Variants in FOXN3 observed in about 807,000 individuals in gnomAD.
The protein encoded by FOXN3 is forkhead box protein N3.
In FOXN3, 7 loss-of-function variants were observed where a neutral mutation model predicts 38.4. The ratio of observed to expected loss-of-function variants is 0.18; its 90% CI spans 0.10 to 0.34. The LOEUF (loss-of-function observed/expected upper bound fraction) is 0.34. FOXN3 is among the 10% of genes least tolerant of loss of function. FOXN3 has a pLI of 1.00. For missense variants in FOXN3, 456 were observed against 613.4 expected (o/e 0.74, Z 2.71); for synonymous variants, 230 against 242.2 (o/e 0.95, Z 0.47).
In FOXN3 at chr14:89,526,899, G is replaced by A. The variant is rs578236562; in HGVS notation, c.-15+92129C>T. On this transcript the variant is annotated intron_variant, in intron 1 of 6. Coordinates refer to the FOXN3 transcript ENST00000345097. ...CTATTGGCAACAAGACAGACAAATGGACCAATGGAACAGAATAGAGTCCAG... is the reference window on the plus strand; with the variant it reads ...CTATTGGCAACAAGACAGACAAATGAACCAATGGAACAGAATAGAGTCCAG... 2.3e-3 allele frequency among the ~76,000 whole-genome samples: 352 copies of A among 152,264 alleles called. 1 individual carries two copies. The highest frequency in any genetic ancestry group is 8.1e-3 in the African/African-American group (335 of 41,560).
At position 89,162,391 on chromosome 14, in the gene FOXN3, C is replaced by G. The variant is rs141894477; in HGVS notation, c.*23G>C. 2.6e-6 allele frequency: 4 copies of G among 1,518,828 alleles called. No homozygotes were observed. Among genetic ancestry groups the G allele is most frequent in the Non-Finnish European group, 3.5e-6 (4 of 1,132,720 alleles). The allele number at this position is 1,518,828 out of a possible 1,614,324, so 94.1% of individuals were successfully genotyped here. On this transcript the variant is annotated 3_prime_UTR_variant, in exon 6 of 6. Transcript: ENST00000557258. The surrounding 1 kb of genome is among the most constrained non-coding windows in gnomAD (Gnocchi z 7.2). ...TGCTGAAACCAAATGGTCGTAAGTT[C>G]AAAACAAATCAGTGACTTGTTTTTA...
intron 1 of FOXN3, among the ~76,000 whole-genome samples, chr14:89,577,632 A>C (rs530803486): frequency 6.6e-6 from 1 of 152,236 alleles, no homozygotes; most frequent in East Asian, 1.9e-4. Context: ...GTTAACCACC[A>C]GCTTCAAACA....
intron 3 of FOXN3, among the ~76,000 whole-genome samples, chr14:89,299,567 C>A (rs1302164873): frequency 6.6e-6 from 1 of 152,174 alleles, no homozygotes; most frequent in Non-Finnish European, 1.5e-5. Flanking sequence ...TCACTGATCC[C>A]CAAATACGGA....
chr14:89,258,057 C>A (rs1331248165), intron 4 of FOXN3, among the ~76,000 whole-genome samples: 2 of 152,110 alleles, frequency 1.3e-5, no homozygotes, highest in Non-Finnish European at 2.9e-5. Context: ...GACCAACCAT[C>A]CTTGAGTGTA....
chr14:89,466,505 C>T (rs756064901), intron 1 of FOXN3, among the ~76,000 whole-genome samples: 2 of 152,192 alleles, frequency 1.3e-5, no homozygotes, highest in Non-Finnish European at 2.9e-5. Context: ...ATGTTGGAAA[C>T]GTGCTTGGAG....
At chr14:89,334,262 G>C (rs551880043) in intron 3 of FOXN3, among the ~76,000 whole-genome samples, 26 of 151,418 alleles carry the variant, frequency 1.7e-4, no homozygotes, top group Non-Finnish European at 2.5e-4. Flanking sequence ...GGAGTGAGGC[G>C]GGCTGGGGGA....
chr14:89,360,732 A>T lies in FOXN3; in HGVS notation c.544-9924T>A, dbSNP rs781719394. Among the ~76,000 whole-genome samples, 472 of 126,328 alleles carry T rather than the reference A, an allele frequency of 3.7e-3. 9 individuals carry two copies. The highest frequency in any genetic ancestry group is 0.013 in the African/African-American group (396 of 29,396). The allele number at this position is 126,328 out of a possible 152,430, so 82.9% of individuals were successfully genotyped here. On this transcript the variant is annotated intron_variant, in intron 2 of 5. Transcript: ENST00000557258. ...CTCCAGCACTACCTCCACCACCACC[A>T]CCTCCAGCACCACCTCCACCACCAC...
At chr14:89,476,338 A>T (rs1455980129) in intron 1 of FOXN3, among the ~76,000 whole-genome samples, 2 of 152,126 alleles carry the variant, frequency 1.3e-5, no homozygotes, top group Admixed American at 1.3e-4. Flanking sequence ...AAGAGATCCC[A>T]ACTTCAAAAC....
chr14:89,477,032 C>G (rs932150832), intron 1 of FOXN3, among the ~76,000 whole-genome samples: 3 of 152,050 alleles, frequency 2.0e-5, no homozygotes, highest in African/African-American at 7.2e-5. Flanking sequence ...TAGGGACAGG[C>G]GTATGTACAT....
At chr14:89,377,774 T>C (rs1890527812) in intron 2 of FOXN3, among the ~76,000 whole-genome samples, 1 of 152,248 alleles carries the variant, frequency 6.6e-6, no homozygotes, top group African/African-American at 2.4e-5. Context: ...CCAATTCACG[T>C]GTTGAAGCCC....
At chr14:89,203,501 G>T (rs981263348) in intron 4 of FOXN3, among the ~76,000 whole-genome samples, 10 of 152,230 alleles carry the variant, frequency 6.6e-5, no homozygotes, top group Admixed American at 4.6e-4. Flanking sequence ...GCCAGGCTAG[G>T]TGTGCCTGGA....
chr14:89,411,093 G>T (rs557076411), intron 2 of FOXN3, among the ~76,000 whole-genome samples: 1 of 152,244 alleles, frequency 6.6e-6, no homozygotes, highest in Admixed American at 6.5e-5. Flanking sequence ...CAGATCAGCG[G>T]TGGCATTAGA....
At chr14:89,348,015 T>C (rs920630158) in intron 3 of FOXN3, among the ~76,000 whole-genome samples, 35 of 152,240 alleles carry the variant, frequency 2.3e-4, no homozygotes, top group African/African-American at 8.2e-4. Flanking sequence ...TAGCATGGTA[T>C]TTGGATGTGA....
chr14:89,443,799 C>T (rs7142159), intron 1 of FOXN3, among the ~76,000 whole-genome samples: 56,719 of 151,694 alleles, frequency 0.37, 10,881 homozygotes, highest in East Asian at 0.55. Flanking sequence ...CACCTGAGGT[C>T]GGGAGTTCAA....
chr14:89,318,927 C>A (rs189052284), intron 3 of FOXN3, among the ~76,000 whole-genome samples: 1 of 152,160 alleles, frequency 6.6e-6, no homozygotes, highest in Non-Finnish European at 1.5e-5. Context: ...GAATGGAGAA[C>A]GGAGGCAGAA....
intron 1 of FOXN3, among the ~76,000 whole-genome samples, chr14:89,603,179 A>G (rs1278666612): frequency 6.6e-6 from 1 of 152,184 alleles, no homozygotes; most frequent in African/African-American, 2.4e-5. Flanking sequence ...GCCACTCATG[A>G]GCCTCCACAT....
intron 1 of FOXN3, among the ~76,000 whole-genome samples, chr14:89,480,416 A>C (rs1268122577): frequency 2.0e-5 from 3 of 149,924 alleles, no homozygotes; most frequent in African/African-American, 7.4e-5. Context: ...AAAAAAAAAA[A>C]TGGTTTGAGA....
At chr14:89,588,263 C>T (rs998461552) in intron 1 of FOXN3, among the ~76,000 whole-genome samples, 26 of 152,094 alleles carry the variant, frequency 1.7e-4, no homozygotes, top group African/African-American at 5.8e-4. Context: ...AGAAACCAAG[C>T]AGACGCCAGC....
chr14:89,406,881 G>C (rs755758520), intron 2 of FOXN3, among the ~76,000 whole-genome samples: 10 of 151,410 alleles, frequency 6.6e-5, no homozygotes, highest in Non-Finnish European at 1.2e-4. Flanking sequence ...AGAGAGGTTA[G>C]TACATGCTAA....
Sources: gnomAD v4.1 joint callset for allele counts (sites outside exome capture counted in the v4.1 genomes callset) on GRCh38, gnomAD v4.1.1 for gene constraint, Gnocchi (gnomAD v3.1) non-coding constraint, MANE v1.5 for transcripts, NCBI Gene and HGNC (gene_info 2026-07-23, HGNC 2026-07-21) for gene names.